The following SLC24A4 variants were observed in gnomAD, a reference collection of about 807,000 sequenced individuals.
SLC24A4 encodes solute carrier family 24 member 4, also known as sodium/potassium/calcium exchanger 4.
SLC24A4 carries 53 observed loss-of-function variants against 79.0 expected under a neutral mutation model. That is an observed-to-expected ratio of 0.67 (90% CI 0.54 to 0.84). SLC24A4 has a LOEUF of 0.84. Ranked by LOEUF, SLC24A4 falls within the 40% of genes least tolerant of loss-of-function variation. SLC24A4 has a pLI of 0.00. For synonymous variants in SLC24A4, 323 were observed against 323.8 expected (o/e 1.00, Z 0.03); for missense variants, 731 against 822.0 (o/e 0.89, Z 1.35).
chr14:92,442,629 C>CT (rs1213679247), intron 5 of SLC24A4, 84 bp from the exon 6 acceptor site: 1 of 982,588 alleles, frequency 1.0e-6, no homozygotes, highest in African/African-American at 1.6e-5. Context: ...AAGCAACCCA[C>CT]TTTCCTGTGA....
chr14:92,448,758 G>A (rs1226074300), intron 9 of SLC24A4, among the ~76,000 whole-genome samples: 2 of 152,174 alleles, frequency 1.3e-5, no homozygotes, highest in African/African-American at 2.4e-5. Flanking sequence ...GCCCAGAGGC[G>A]AGGCCGAGCT....
chr14:92,342,459 C>T (rs371506940), intron 2 of SLC24A4, among the ~76,000 whole-genome samples: 1 of 152,070 alleles, frequency 6.6e-6, no homozygotes, highest in East Asian at 1.9e-4. Context: ...TCCCAGCTCA[C>T]TGCAACCTCT....
chr14:92,389,375 G>A (rs569456788), intron 2 of SLC24A4, among the ~76,000 whole-genome samples: 2 of 152,242 alleles, frequency 1.3e-5, no homozygotes, highest in East Asian at 1.9e-4. Flanking sequence ...TGACATTTCT[G>A]CTAGAAATTA....
intron 2 of SLC24A4, among the ~76,000 whole-genome samples, chr14:92,329,639 C>CA (rs1885354366): frequency 6.6e-6 from 1 of 152,228 alleles, no homozygotes; most frequent in Non-Finnish European, 1.5e-5. Flanking sequence ...TATCCTGCTT[C>CA]AGCCTCCCGA....
intron 13 of SLC24A4, among the ~76,000 whole-genome samples, chr14:92,483,122 T>C (rs750316627): frequency 4.6e-5 from 7 of 152,126 alleles, no homozygotes; most frequent in Non-Finnish European, 8.8e-5. Flanking sequence ...GTTCTGGTGT[T>C]ACAGGCAGAG....
At chr14:92,443,553 T>C in intron 7 of SLC24A4, 79 bp downstream of exon 7, 1 of 1,426,562 alleles carries the variant, frequency 7.0e-7, no homozygotes. Context: ...TCTCTGCCCC[T>C]GGCACTGTGA....
At chr14:92,346,276 T>A (rs2141630897) in intron 2 of SLC24A4, among the ~76,000 whole-genome samples, 1 of 152,310 alleles carries the variant, frequency 6.6e-6, no homozygotes, top group Non-Finnish European at 1.5e-5. Context: ...AGTGCAGGAA[T>A]ATGAAAGCCT....
At chr14:92,335,596 C>T (rs1247600674) in intron 2 of SLC24A4, among the ~76,000 whole-genome samples, 1 of 152,006 alleles carries the variant, frequency 6.6e-6, no homozygotes, top group African/African-American at 2.4e-5. Context: ...CTCCTGACCT[C>T]AGGTGATCCA....
chr14:92,335,945 G>A lies in SLC24A4; in HGVS notation c.241+9967G>A, dbSNP rs574217457. Among the ~76,000 whole-genome samples the A allele has an allele frequency of 1.8e-3, 277 of 152,328 alleles. 1 individual carries two copies. The highest frequency in any genetic ancestry group is 6.2e-3 in the African/African-American group (258 of 41,554). On this transcript the variant is annotated intron_variant, in intron 2 of 16. Transcript: ENST00000532405. ...GTCCACGGGAGCAGCAAACACCTAT[G>A]TGGGCCGTGCTTCTTGGTAGGTTTC...
At chr14:92,404,474 C>T (rs1890270207) in intron 2 of SLC24A4, among the ~76,000 whole-genome samples, 1 of 152,334 alleles carries the variant, frequency 6.6e-6, no homozygotes. Context: ...CCATCCATCA[C>T]AGTGCTCCAG....
rs1345106316 is a variant in SLC24A4 at position 92,500,590 on chromosome 14, A to G, written c.*6962A>G. ...CCCTGCCCTCTAAGCTGCAGACCCC[A>G]TGACCACACTGTCTGCTTCCTTGAG... On this transcript the variant is annotated 3_prime_UTR_variant, in exon 17 of 17. Coordinates refer to ENST00000532405, the MANE Select transcript of SLC24A4 (RefSeq NM_153646.4). The G allele has an allele frequency of 1.3e-5, 2 of 152,362 alleles. No homozygotes were observed. The highest frequency in any genetic ancestry group is 1.9e-4 in the East Asian group (1 of 5,186). The allele number at this position is 152,362 out of a possible 1,614,324, so 9.4% of individuals were successfully genotyped here.
chr14:92,417,287 C>A (rs1891032216), intron 2 of SLC24A4, among the ~76,000 whole-genome samples: 1 of 152,076 alleles, frequency 6.6e-6, no homozygotes, highest in Admixed American at 6.6e-5. Context: ...TAGGTCTAGG[C>A]TAATGTGTGT....
chr14:92,338,697 G>A (rs1442693721), intron 2 of SLC24A4, among the ~76,000 whole-genome samples: 2 of 152,142 alleles, frequency 1.3e-5, no homozygotes, highest in Non-Finnish European at 2.9e-5. Context: ...TAAGATATCT[G>A]TTTACTAAAA....
intron 2 of SLC24A4, among the ~76,000 whole-genome samples, chr14:92,429,991 C>A (rs1201549845): frequency 3.9e-5 from 6 of 152,212 alleles, no homozygotes; most frequent in Non-Finnish European, 8.8e-5. Context: ...CTCACTGTCT[C>A]TTGGTCGTCT....
At chr14:92,395,622 A>C (rs1002386590) in intron 2 of SLC24A4, among the ~76,000 whole-genome samples, 9 of 152,070 alleles carry the variant, frequency 5.9e-5, no homozygotes, top group Admixed American at 1.3e-4. Flanking sequence ...AAAATCAGGG[A>C]GTTTCTAGAG....
At chr14:92,456,335 C>G (rs1893458207) in intron 11 of SLC24A4, 69 bp from the exon 12 acceptor site, 2 of 1,537,836 alleles carry the variant, frequency 1.3e-6, no homozygotes, top group East Asian at 2.3e-5. Context: ...TGTGAGGGAC[C>G]CAGCGTATAG....
intron 11 of SLC24A4, 93 bp downstream of exon 11, chr14:92,454,162 A>G (rs1595308224): frequency 7.3e-7 from 1 of 1,374,728 alleles, no homozygotes; most frequent in South Asian, 1.3e-5. Flanking sequence ...TGATCACTGC[A>G]CCTGTTTAAG....
At chr14:92,435,066 C>A (rs1595275158) in intron 3 of SLC24A4, among the ~76,000 whole-genome samples, 1 of 152,148 alleles carries the variant, frequency 6.6e-6, no homozygotes, top group Admixed American at 6.5e-5. Flanking sequence ...GAGCCACCGT[C>A]CCCGGCCCAC....
rs1390349703 is a variant in SLC24A4, at chr14:92,323,927, G to T, written c.97G>T (p.Val33Leu). 4 of 1,611,340 alleles carry T rather than the reference G, an allele frequency of 2.5e-6. No homozygotes were observed. In the South Asian group the frequency reaches 3.3e-5, roughly 13 times the overall value. ...VGFVCAVLAL[V>L]CCASGLFGSL... ...CTTCGTGTGCGCGGTGCTGGCCCTG[G>T]TGTGCTGTGCGTCCGGCCTCTTCGG... The change falls in exon 1 of 17, where the codon GTG becomes TTG. Residue 33 changes from valine (V) to leucine (L), a missense_variant. Physicochemically the swap from Val to Leu is conservative, Grantham distance 32. Coordinates refer to ENST00000532405, the MANE Select transcript of SLC24A4 (RefSeq NM_153646.4). This position sits in a 1 kb window ranked among gnomAD's most constrained non-coding sequence, Gnocchi z 4.9.
Sources: allele counts gnomAD v4.1 joint callset (sites outside exome capture counted in the v4.1 genomes callset), GRCh38; gene constraint gnomAD v4.1.1; non-coding constraint Gnocchi (gnomAD v3.1); transcripts MANE v1.5; gene names NCBI Gene and HGNC (gene_info 2026-07-23, HGNC 2026-07-21).